Variants in ZFP30 observed in about 807,000 individuals in gnomAD.
The protein encoded by ZFP30 is ZFP30 zinc finger protein, also known as zinc finger protein 30 homolog.
Under a neutral mutation model 12.3 loss-of-function variants are expected in ZFP30, and 16 were observed. The ratio of observed to expected loss-of-function variants is 1.30; its 90% CI spans 0.88 to 1.98. The LOEUF is 1.98. Among genes scored for constraint, ZFP30 ranks in the 30% most tolerant of loss-of-function variants. The probability of loss-of-function intolerance (pLI) is 0.00; values close to 1 mark genes in which losing one functional copy is unlikely to be tolerated. For synonymous variants in ZFP30, 172 were observed against 201.0 expected (o/e 0.86, Z 1.22); for missense variants, 560 against 611.2 (o/e 0.92, Z 0.88).
At position 37,643,268 on chromosome 19, in the gene ZFP30, G is replaced by A; in HGVS notation, c.232C>T (p.Leu78=). 1 of 1,610,952 alleles carries A rather than the reference G, an allele frequency of 6.2e-7. No individual in the cohort carries two copies. Among genetic ancestry groups the A allele is most frequent in the Non-Finnish European group, 8.5e-7 (1 of 1,178,868 alleles). The change falls in exon 5 of 6, where the codon CTA becomes TTA. Residue 78 remains leucine (L), a synonymous_variant. Transcript: ENST00000684514. The part of the protein sequence containing the change: ...VVRDEKRRWT[L]DLESRYDTKK... ...CCTCTGCCTGATCAGCACTTACCTAGAGTCCATCTTCTTTTCTCATCCCTC... is the reference window on the plus strand; with the variant it reads ...CCTCTGCCTGATCAGCACTTACCTAAAGTCCATCTTCTTTTCTCATCCCTC...
Position 37,643,249 on chromosome 19 carries a change from C to G in ZFP30, c.235+16G>C, listed in dbSNP as rs2044473549. ...GCCATGCCATAATGGCTGACCTCTG[C>G]CTGATCAGCACTTACCTAGAGTCCA... On this transcript the variant is annotated intron_variant, in intron 5 of 5. Coordinates refer to ENST00000684514, the MANE Select transcript of ZFP30 (RefSeq NM_001320669.3). The G allele has an allele frequency of 3.1e-6, 5 of 1,603,254 alleles. No homozygotes were observed. The East Asian group carries it at 6.8e-5, about 22-fold the overall frequency.
rs1449413301 is a variant in ZFP30 at position 37,631,153 on chromosome 19, G to C, written c.*3828C>G. ...CAACTAACCACCTGACATGAGGTCC[G>C]AACTTTCCACCTTTGCTGTCACCTG... is the stretch of plus-strand genomic sequence containing the variant. On this transcript the variant is annotated 3_prime_UTR_variant, in exon 6 of 6. Coordinates refer to ENST00000684514, the MANE Select transcript of ZFP30 (RefSeq NM_001320669.3). 1 of 152,102 alleles carries C rather than the reference G, an allele frequency of 6.6e-6. No homozygotes were observed. The highest frequency in any genetic ancestry group is 6.5e-5 in the Admixed American group (1 of 15,274). 9.4% of individuals were successfully genotyped at this position (152,102 alleles called of 1,614,324 possible).
rs1174238279 is a variant in ZFP30, at chr19:37,635,950, C to T, written c.591G>A (p.Gln197=). 5 of 1,614,162 alleles carry T rather than the reference C, an allele frequency of 3.1e-6. No homozygotes were observed. The highest frequency in any genetic ancestry group is 3.4e-6 in the Non-Finnish European group (4 of 1,180,014). ...TCTGATGTCGACTGAGGTGGGCACA[C>T]TGTCTAAAGGCTTTTCCACATTCTT... ...ECKECGKAFR[Q]CAHLSRHQRI... is the part of the protein sequence containing the mutation. Residue 197 remains glutamine (Q), a synonymous_variant, in exon 6 of 6, where the codon CAG becomes CAA. Coordinates refer to ENST00000684514, the MANE Select transcript of ZFP30 (RefSeq NM_001320669.3).
At chr19:37,636,707 A>C (rs747008172) in intron 5 of ZFP30, among the ~76,000 whole-genome samples, 58 of 148,916 alleles carry the variant, frequency 3.9e-4, no homozygotes, top group Non-Finnish European at 6.3e-4. Flanking sequence ...AATGTGTCAC[A>C]ATCTTTCTTT....
rs2044250982 is a variant in ZFP30 at position 37,632,642 on chromosome 19, T to C, written c.*2339A>G. The C allele has an allele frequency of 6.6e-6, 1 of 152,362 alleles. No homozygotes were observed. The highest frequency in any genetic ancestry group is 1.9e-4 in the East Asian group (1 of 5,182). The allele number at this position is 152,362 out of a possible 1,614,324, so 9.4% of individuals were successfully genotyped here. A position where few individuals can be genotyped will look rare whatever the true frequency, so the allele number is the denominator to read the frequency against. On this transcript the variant is annotated 3_prime_UTR_variant, in exon 6 of 6. Transcript: ENST00000684514. The stretch of plus-strand genomic sequence containing the variant: ...ATATATCTAAAATATTATTTCAATA[T>C]GTACTCAATATGAAAAATTGAGATA...
chr19:37,640,720 CAAAAT>C (rs3079426), intron 5 of ZFP30, among the ~76,000 whole-genome samples: 22,497 of 149,218 alleles, frequency 0.15, 2,021 homozygotes, highest in Non-Finnish European at 0.21. Context: ...AACCTCGTCT[CAAAAT>C]AAAATAAAAT....
intron 5 of ZFP30, among the ~76,000 whole-genome samples, chr19:37,637,607 A>T (rs527971231): frequency 6.6e-6 from 1 of 152,202 alleles, no homozygotes; most frequent in East Asian, 1.9e-4. Context: ...CTCGTGTCTC[A>T]GCCTCCCAAG....
chr19:37,637,936 T>TAACTGTGAA (rs2044363017), intron 5 of ZFP30, among the ~76,000 whole-genome samples: 1 of 152,224 alleles, frequency 6.6e-6, no homozygotes, highest in African/African-American at 2.4e-5. Flanking sequence ...CAGTACATAT[T>TAACTGTGAA]AACTGTGAAT....
In ZFP30 at chr19:37,631,159, T is replaced by A. The variant is rs997974688; in HGVS notation, c.*3822A>T. On this transcript the variant is annotated 3_prime_UTR_variant, in exon 6 of 6. Coordinates refer to ENST00000684514, the MANE Select transcript of ZFP30 (RefSeq NM_001320669.3). ...ACCACCTGACATGAGGTCCGAACTT[T>A]CCACCTTTGCTGTCACCTGTTTTGG... The A allele has an allele frequency of 1.3e-5, 2 of 152,202 alleles. No individual in the cohort carries two copies. Among genetic ancestry groups the A allele is most frequent in the African/African-American group, 2.4e-5 (1 of 41,452 alleles). The allele number at this position is 152,202 out of a possible 1,614,324, so 9.4% of individuals were successfully genotyped here.
intron 5 of ZFP30, among the ~76,000 whole-genome samples, chr19:37,637,075 T>A (rs2044342802): frequency 6.6e-6 from 1 of 152,158 alleles, no homozygotes. Flanking sequence ...TGACTTGGGT[T>A]TGCATGGTTG....
chr19:37,652,696 T>C (rs573285854), intron 2 of ZFP30, among the ~76,000 whole-genome samples: 46 of 152,324 alleles, frequency 3.0e-4, no homozygotes, highest in Non-Finnish European at 6.2e-4. Context: ...ATCATTTTAA[T>C]TTTCTTTATA....
At chr19:37,637,402 G>C (rs2044351207) in intron 5 of ZFP30, among the ~76,000 whole-genome samples, 1 of 151,360 alleles carries the variant, frequency 6.6e-6, no homozygotes, top group Admixed American at 6.6e-5. Context: ...TCTTGGCCAA[G>C]CTGGTCTTGA....
chr19:37,653,410 A>G (rs1377675911), intron 2 of ZFP30, among the ~76,000 whole-genome samples: 1 of 152,200 alleles, frequency 6.6e-6, no homozygotes, highest in East Asian at 1.9e-4. Context: ...ATAACTAATC[A>G]TTAAATACCT....
Position 37,634,689 on chromosome 19 carries a change from T to TC in ZFP30, c.*291_*292insG. 1 of 276,630 alleles carries TC rather than the reference T, an allele frequency of 3.6e-6. No homozygotes were observed. The highest frequency in any genetic ancestry group is 1.2e-4 in the South Asian group (1 of 8,336). 17.1% of individuals were successfully genotyped at this position (276,630 alleles called of 1,614,324 possible). ...GGTTCCCTAGCAACCTTCGTGTGTA[T>TC]ATACACAGATGGAAGAATATGGAGA... is the stretch of plus-strand genomic sequence containing the variant. On this transcript the variant is annotated 3_prime_UTR_variant, in exon 6 of 6. Transcript: ENST00000684514.
chr19:37,640,068 T>C (rs2044404826), intron 5 of ZFP30, among the ~76,000 whole-genome samples: 1 of 152,256 alleles, frequency 6.6e-6, no homozygotes, highest in Non-Finnish European at 1.5e-5. Flanking sequence ...GGATGTTTCG[T>C]AGTATTGGCT....
At position 37,636,124 on chromosome 19, in the gene ZFP30, G is replaced by GT. The variant is rs1200604927; in HGVS notation, c.416dup (p.Tyr139Ter). ...TKTTSEKMPT[Y>*]RKLTSLPLYQ... Reference sequence around the variant, plus strand: ...ACAGAGGAAGAGATGTGAGTTTTCTGTAAGTAGGCATTTTTTCAGAGGTGG... The same window carrying GT: ...ACAGAGGAAGAGATGTGAGTTTTCTGTTAAGTAGGCATTTTTTCAGAGGTGG... Residue 139 changes from tyrosine (Y) to a stop codon, truncating the protein, a stop_gained and frameshift_variant, in exon 6 of 6, where the codon TAC becomes TAAC. Coordinates refer to ENST00000684514, the MANE Select transcript of ZFP30 (RefSeq NM_001320669.3). LOFTEE classifies it low-confidence loss of function (END_TRUNC). 3 of 1,614,036 alleles carry GT rather than the reference G, an allele frequency of 1.9e-6. No individual in the cohort carries two copies. Among genetic ancestry groups the GT allele is most frequent in the Non-Finnish European group, 2.5e-6 (3 of 1,180,034 alleles).
rs2044232402 is a variant in ZFP30, at chr19:37,631,532, T to C, written c.*3449A>G. The C allele has an allele frequency of 6.6e-6, 1 of 152,166 alleles. No individual in the cohort carries two copies. Among genetic ancestry groups the C allele is most frequent in the African/African-American group, 2.4e-5 (1 of 41,442 alleles). The allele number at this position is 152,166 out of a possible 1,614,324, so 9.4% of individuals were successfully genotyped here. On this transcript the variant is annotated 3_prime_UTR_variant, in exon 6 of 6. Coordinates refer to ENST00000684514, the MANE Select transcript of ZFP30 (RefSeq NM_001320669.3). ...TTATAACAGCAAATACAGTTCATAA[T>C]GGATGACCACGGTGAAATCACCGAA...
intron 5 of ZFP30, among the ~76,000 whole-genome samples, chr19:37,637,637 C>T (rs2044357020): frequency 2.6e-5 from 4 of 151,884 alleles, no homozygotes; most frequent in Admixed American, 2.6e-4. Context: ...TTACAAGTGC[C>T]CGCCACCACA....
At chr19:37,651,816 T>A (rs1215060903) in intron 2 of ZFP30, among the ~76,000 whole-genome samples, 1 of 152,098 alleles carries the variant, frequency 6.6e-6, no homozygotes, top group African/African-American at 2.4e-5. Context: ...GTCCAATAAG[T>A]CATTTCTTAA....
Sources: gnomAD v4.1 joint callset for allele counts (sites outside exome capture counted in the v4.1 genomes callset) on GRCh38, gnomAD v4.1.1 for gene constraint, MANE v1.5 for transcripts, NCBI Gene and HGNC (gene_info 2026-07-23, HGNC 2026-07-21) for gene names.